Variants in STIM1 observed in about 807,000 individuals in gnomAD.
The protein encoded by STIM1 is stromal interaction molecule 1.
A neutral mutation model predicts 74.7 loss-of-function variants in STIM1; 25 were observed. That is an observed-to-expected ratio of 0.33 (90% CI 0.24 to 0.47). The LOEUF is 0.47. STIM1 is among the 20% of genes least tolerant of loss of function. The pLI is 1.00. For missense variants in STIM1, 728 were observed against 920.8 expected, an observed-to-expected ratio of 0.79 and a Z score of 2.71; for synonymous variants, 328 against 348.8, an observed-to-expected ratio of 0.94 and a Z score of 0.66.
intron 3 of STIM1, among the ~76,000 whole-genome samples, chr11:4,028,362 G>A (rs186528964): frequency 6.6e-6 from 1 of 151,830 alleles, no homozygotes; most frequent in East Asian, 1.9e-4. Flanking sequence ...GATTACAGGC[G>A]TGAGCCACTG....
At chr11:3,939,959 G>GA (rs1380415937) in intron 1 of STIM1, among the ~76,000 whole-genome samples, 1 of 152,056 alleles carries the variant, frequency 6.6e-6, no homozygotes, top group Non-Finnish European at 1.5e-5. Flanking sequence ...AGTGGGAAGG[G>GA]AAAAAACACT....
At chr11:3,995,452 A>T (rs1444174977) in intron 2 of STIM1, among the ~76,000 whole-genome samples, 1 of 152,136 alleles carries the variant, frequency 6.6e-6, no homozygotes, top group Non-Finnish European at 1.5e-5. Flanking sequence ...TATTTGGATG[A>T]TAATGGTTTG....
rs1175789204 is a variant in STIM1, at chr11:4,091,647, T to G, written c.2000T>G (p.Leu667Arg). 1 of 1,614,030 alleles carries G rather than the reference T, an allele frequency of 6.2e-7. No homozygotes were observed. Among genetic ancestry groups the G allele is most frequent in the African/African-American group, 1.3e-5 (1 of 74,908 alleles). The part of the protein sequence containing the change: ...TPSPVGDSRA[L>R]QASRNTRIPH... The stretch of plus-strand genomic sequence containing the variant: ...TCTCCAGTTGGGGACAGCCGAGCCC[T>G]GCAAGCCAGCCGAAACACACGCATT... The change falls in exon 13 of 13, where the codon CTG becomes CGG. Residue 667 changes from leucine to arginine, a missense_variant. Around this residue, in one of 5 missense-constraint regions of STIM1, gnomAD observed 352 missense variants for 370.1 expected, o/e 0.95. Transcript: ENST00000526596.
At chr11:4,034,650 G>T (rs550271571) in intron 3 of STIM1, among the ~76,000 whole-genome samples, 20 of 152,244 alleles carry the variant, frequency 1.3e-4, no homozygotes, top group African/African-American at 4.6e-4. Context: ...GAATTATGAA[G>T]TATTCCTCAA....
chr11:3,923,109 A>C (rs1399549489), intron 1 of STIM1, among the ~76,000 whole-genome samples: 1 of 152,062 alleles, frequency 6.6e-6, no homozygotes, highest in Non-Finnish European at 1.5e-5. Flanking sequence ...CAAAAAAAAA[A>C]AAAAAACAAA....
chr11:4,018,465 A>C lies in STIM1; in HGVS notation c.271-5408A>C, dbSNP rs1313796287. 3.0e-4 allele frequency among the ~76,000 whole-genome samples: 44 copies of C among 145,694 alleles called. 1 individual carries two copies. The highest frequency in any genetic ancestry group is 1.0e-3 in the African/African-American group (40 of 39,926). ...CAGAGCGAGACTCCGTCTCAAAAAAAAAAAAAAAAAAAAAAAAAAAACAAA... is the reference window on the plus strand; with the variant it reads ...CAGAGCGAGACTCCGTCTCAAAAAACAAAAAAAAAAAAAAAAAAAAACAAA... On this transcript the variant is annotated intron_variant, in intron 2 of 12. Coordinates refer to ENST00000526596, the MANE Select transcript of STIM1 (RefSeq NM_001382567.1).
intron 2 of STIM1, among the ~76,000 whole-genome samples, chr11:4,009,030 G>A (rs974253278): frequency 5.3e-5 from 8 of 152,096 alleles, no homozygotes; most frequent in Admixed American, 6.6e-5. Flanking sequence ...GGTGGCTCAC[G>A]CCTGTAATCC....
rs192537249 is a variant in STIM1, at chr11:4,087,557, G to C, written c.1634+1014G>C. ...GTGAGGCTAGAATGACGAAGGCTCC[G>C]AAAGGGAAGGGTTTTGGCCTCTACC... On this transcript the variant is annotated intron_variant, in intron 12 of 12. Transcript: ENST00000526596. Among the ~76,000 whole-genome samples the C allele has an allele frequency of 7.2e-5, 11 of 152,212 alleles. No individual in the cohort carries two copies. The East Asian group carries it at 2.1e-3, about 29-fold the overall frequency.
intron 1 of STIM1, 59 bp downstream of exon 1, chr11:3,856,468 C>T: frequency 1.3e-6 from 2 of 1,573,282 alleles, no homozygotes; most frequent in Non-Finnish European, 8.6e-7. Flanking sequence ...CTGAGTGGCC[C>T]GAAGTGGGCA....
rs553721104 is a variant in STIM1 at position 3,989,276 on chromosome 11, GTTTTCCCTTTGCTCCCC to G, written c.270+21605_270+21621del. ...GTTTCTTGGTTAGCCACTTCGGCCT[GTTTTCCCTTTGCTCCCC>G]TTTTCCCTTTTGTTTGCACTTGTTT... On this transcript the variant is annotated intron_variant, in intron 2 of 12. Transcript: ENST00000526596. The G allele has an allele frequency of 2.5e-4, 232 of 920,454 alleles. No individual in the cohort carries two copies. The African/African-American group carries it at 3.4e-3, about 13-fold the overall frequency. 57.0% of individuals were successfully genotyped at this position (920,454 alleles called of 1,614,324 possible).
intron 3 of STIM1, among the ~76,000 whole-genome samples, chr11:4,033,619 G>A (rs1445108866): frequency 2.7e-5 from 4 of 148,726 alleles, no homozygotes; most frequent in African/African-American, 5.0e-5. Flanking sequence ...TTTTTGAGTC[G>A]GAGTCTCGCC....
At chr11:3,989,454 C>T (rs2093588354) in intron 2 of STIM1, 1 of 700,464 alleles carries the variant, frequency 1.4e-6, no homozygotes, top group Non-Finnish European at 2.7e-6. Context: ...TGACCTTGCT[C>T]TTAGGCATCC....
At chr11:3,994,541 A>G (rs531582339) in intron 2 of STIM1, among the ~76,000 whole-genome samples, 122 of 149,994 alleles carry the variant, frequency 8.1e-4, no homozygotes, top group Admixed American at 2.2e-3. Flanking sequence ...GCTCACTCCA[A>G]TCTGACTCCT....
intron 1 of STIM1, among the ~76,000 whole-genome samples, chr11:3,919,514 G>GT (rs926967119): frequency 2.8e-4 from 42 of 149,292 alleles, no homozygotes; most frequent in South Asian, 6.4e-4. Flanking sequence ...CTGAAACTGA[G>GT]TTTTTTTTTT....
At chr11:4,068,334 C>T (rs1316928894) in intron 5 of STIM1, among the ~76,000 whole-genome samples, 1 of 152,116 alleles carries the variant, frequency 6.6e-6, no homozygotes, top group Non-Finnish European at 1.5e-5. Context: ...TGGAAGTGCT[C>T]GTTGCATGGA....
chr11:4,001,940 G>C (rs1374968886), intron 2 of STIM1, among the ~76,000 whole-genome samples: 1 of 135,540 alleles, frequency 7.4e-6, no homozygotes, highest in Non-Finnish European at 1.6e-5. Context: ...TGCAATCCTA[G>C]TCTCTGATAA....
At chr11:4,050,537 A>G (rs1010831571) in intron 3 of STIM1, among the ~76,000 whole-genome samples, 7 of 152,180 alleles carry the variant, frequency 4.6e-5, no homozygotes, top group African/African-American at 7.2e-5. Flanking sequence ...ATGAATGTAT[A>G]TTTTGTGTAA....
intron 3 of STIM1, among the ~76,000 whole-genome samples, chr11:4,031,451 T>G (rs2094049503): frequency 6.6e-6 from 1 of 152,220 alleles, no homozygotes; most frequent in South Asian, 2.1e-4. Context: ...TATATGTTTT[T>G]AAGAAACTGT....
chr11:3,941,010 T>G lies in STIM1; in HGVS notation c.140-26542T>G, dbSNP rs148448725. On this transcript the variant is annotated intron_variant, in intron 1 of 12. Transcript: ENST00000526596. Reference sequence around the variant, plus strand: ...ACCACTTAGTTTACTTCTCTGTGCCTCAGTTTCTTGAGCTGAGAAATGGAG... The same window carrying G: ...ACCACTTAGTTTACTTCTCTGTGCCGCAGTTTCTTGAGCTGAGAAATGGAG... Among the ~76,000 whole-genome samples the G allele has an allele frequency of 2.3e-3, 355 of 152,322 alleles. 11 individuals carry two copies. In the East Asian group the frequency reaches 0.059, roughly 25 times the overall value.
Sources: allele counts gnomAD v4.1 joint callset (sites outside exome capture counted in the v4.1 genomes callset), GRCh38; gene constraint gnomAD v4.1.1; regional missense constraint gnomAD v4.1.1; transcripts MANE v1.5; gene names NCBI Gene and HGNC (gene_info 2026-07-23, HGNC 2026-07-21).